The following CPNE4 variants were observed in gnomAD, a reference collection of about 807,000 sequenced individuals.
CPNE4 encodes copine-4.
Under a neutral mutation model 67.9 loss-of-function variants are expected in CPNE4, and 25 were observed. That is an observed-to-expected ratio of 0.37 (90% CI 0.27 to 0.51). CPNE4 has a LOEUF of 0.51. Among genes scored for constraint, CPNE4 ranks in the 20% least tolerant of loss-of-function variants. The pLI is 0.93. For synonymous variants in CPNE4, 242 were observed against 244.9 expected (o/e 0.99, Z 0.11); for missense variants, 464 against 690.8 (o/e 0.67, Z 3.68).
chr3:131,686,103 C>A, intron 5 of CPNE4, 145 bp from the exon 6 acceptor site: 1 of 593,346 alleles, frequency 1.7e-6, no homozygotes, highest in Non-Finnish European at 3.0e-6. Flanking sequence ...TCCTCTCTTC[C>A]TGCCCAGTTC....
At chr3:131,907,994 G>A (rs974146175) in intron 1 of CPNE4, among the ~76,000 whole-genome samples, 2 of 152,248 alleles carry the variant, frequency 1.3e-5, no homozygotes, top group African/African-American at 4.8e-5. Context: ...AGAGAGGATT[G>A]GCAGCTTGCC....
At chr3:132,033,661 G>A (rs1359805925) in intron 1 of CPNE4, among the ~76,000 whole-genome samples, 18 of 152,236 alleles carry the variant, frequency 1.2e-4, no homozygotes, top group Admixed American at 1.1e-3. Context: ...CTGGGGCGCC[G>A]TCAGATTTGG....
chr3:131,751,987 T>C (rs2082640992), intron 2 of CPNE4, among the ~76,000 whole-genome samples: 2 of 151,970 alleles, frequency 1.3e-5, no homozygotes, highest in African/African-American at 4.8e-5. Context: ...GATGGCCTCA[T>C]TACTACTGGG....
chr3:131,719,626 T>C (rs533884381), intron 3 of CPNE4, among the ~76,000 whole-genome samples: 141 of 152,286 alleles, frequency 9.3e-4, no homozygotes, highest in African/African-American at 3.3e-3. Context: ...GAATAAAAAT[T>C]CCCATGTCAA....
At chr3:131,559,546 G>A (rs1936647725) in intron 11 of CPNE4, among the ~76,000 whole-genome samples, 1 of 151,912 alleles carries the variant, frequency 6.6e-6, no homozygotes, top group Non-Finnish European at 1.5e-5. Context: ...AGTAATAATT[G>A]TAATAAAAGC....
At chr3:131,586,743 T>A (rs913895563) in intron 8 of CPNE4, among the ~76,000 whole-genome samples, 1 of 148,554 alleles carries the variant, frequency 6.7e-6, no homozygotes, top group African/African-American at 2.6e-5. Flanking sequence ...TGTCTGTCTG[T>A]CTGTCTGTCT....
At chr3:131,664,609 T>C (rs1005962749) in intron 7 of CPNE4, among the ~76,000 whole-genome samples, 1 of 152,176 alleles carries the variant, frequency 6.6e-6, no homozygotes, top group African/African-American at 2.4e-5. Context: ...CAGGATGATT[T>C]CTTTTCTAAT....
At chr3:132,008,908 CT>C (rs2073675316) in intron 1 of CPNE4, among the ~76,000 whole-genome samples, 1 of 152,180 alleles carries the variant, frequency 6.6e-6, no homozygotes, top group African/African-American at 2.4e-5. Flanking sequence ...TCCTTCTAGC[CT>C]TTTGCATCCT....
At chr3:131,545,458 C>T (rs1582763425) in intron 14 of CPNE4, among the ~76,000 whole-genome samples, 2 of 152,168 alleles carry the variant, frequency 1.3e-5, no homozygotes, top group African/African-American at 4.8e-5. Flanking sequence ...ATCATTTTTT[C>T]ACTATAAGTG....
chr3:131,581,526 C>A, intron 9 of CPNE4, 53 bp downstream of exon 9: 1 of 1,188,216 alleles, frequency 8.4e-7, no homozygotes, highest in Middle Eastern at 1.9e-4. Flanking sequence ...CTGAACTCTT[C>A]CTCTCAGATA....
chr3:131,608,459 C>G (rs183688287), intron 7 of CPNE4, among the ~76,000 whole-genome samples: 3 of 152,206 alleles, frequency 2.0e-5, no homozygotes, highest in Admixed American at 2.0e-4. Context: ...TGAAGTATGA[C>G]AGGATGTGGG....
intron 7 of CPNE4, among the ~76,000 whole-genome samples, chr3:131,591,711 A>C (rs1283115998): frequency 6.6e-6 from 1 of 152,154 alleles, no homozygotes; most frequent in Non-Finnish European, 1.5e-5. Flanking sequence ...CTTTCTGAGA[A>C]GGGATCCCAA....
intron 7 of CPNE4, among the ~76,000 whole-genome samples, chr3:131,632,320 C>T (rs1444942992): frequency 6.6e-6 from 1 of 151,916 alleles, no homozygotes; most frequent in Admixed American, 6.6e-5. Context: ...TCATTATTCC[C>T]ATTATCTCAT....
chr3:131,676,673 G>A (rs2080578169), intron 6 of CPNE4, among the ~76,000 whole-genome samples: 1 of 152,044 alleles, frequency 6.6e-6, no homozygotes, highest in Admixed American at 6.6e-5. Context: ...TAAGAATAAT[G>A]GCCCCTAGCT....
intron 7 of CPNE4, among the ~76,000 whole-genome samples, chr3:131,629,187 T>G (rs57401890): frequency 6.6e-6 from 1 of 151,896 alleles, no homozygotes; most frequent in Admixed American, 6.6e-5. Context: ...CGGGAAAGAC[T>G]GGCCCCCATG....
chr3:131,864,758 T>G (rs1419278916), intron 2 of CPNE4, among the ~76,000 whole-genome samples: 1 of 152,006 alleles, frequency 6.6e-6, no homozygotes. Flanking sequence ...ATAGGAGTGG[T>G]GAGAGGGGGC....
chr3:131,894,975 G>T (rs1256621480), intron 2 of CPNE4, among the ~76,000 whole-genome samples: 1 of 151,886 alleles, frequency 6.6e-6, no homozygotes, highest in Non-Finnish European at 1.5e-5. Flanking sequence ...GTCCAACAAC[G>T]AATGAATGGA....
At chr3:131,746,705 C>T (rs977145501) in intron 2 of CPNE4, among the ~76,000 whole-genome samples, 1 of 152,136 alleles carries the variant, frequency 6.6e-6, no homozygotes, top group Non-Finnish European at 1.5e-5. Flanking sequence ...CATATCTTGG[C>T]TACTGTGAAT....
rs1465276092 is a variant in CPNE4, at chr3:132,005,340, TATACACACACACACACACACACAC to T, written c.-2+29203_-2+29226del. Among the ~76,000 whole-genome samples the T allele has an allele frequency of 1.4e-3, 37 of 27,170 alleles. 1 individual carries two copies. Among genetic ancestry groups the T allele is most frequent in the South Asian group, 2.8e-3 (2 of 726 alleles). 17.8% of individuals were successfully genotyped at this position (27,170 alleles called of 152,430 possible). A position where few individuals can be genotyped will look rare whatever the true frequency, so the allele number is the denominator to read the frequency against. ...ATATATATATATATATATATATATATATACACACACACACACACACACACACACACACATATATGTTTATATTTC... is the reference window on the plus strand; with the variant it reads ...ATATATATATATATATATATATATATACACACACATATATGTTTATATTTC... On this transcript the variant is annotated intron_variant, in intron 1 of 15. Coordinates refer to ENST00000429747, the MANE Select transcript of CPNE4 (RefSeq NM_130808.3).
Sources: gnomAD v4.1 joint callset for allele counts (sites outside exome capture counted in the v4.1 genomes callset) on GRCh38, gnomAD v4.1.1 for gene constraint, MANE v1.5 for transcripts, NCBI Gene and HGNC (gene_info 2026-07-23, HGNC 2026-07-21) for gene names.